The following TRDN variants were observed in gnomAD, a reference collection of about 807,000 sequenced individuals.
TRDN encodes the protein triadin.
Under a neutral mutation model 149.7 loss-of-function variants are expected in TRDN, and 161 were observed. The observed-to-expected ratio is 1.08, with a 90% CI of 0.95 to 1.23. The LOEUF is 1.23. Ranked by LOEUF, TRDN falls within the 50% of genes most tolerant of loss-of-function variation. The probability of loss-of-function intolerance (pLI) is 0.00; values close to 1 mark genes in which losing one functional copy is unlikely to be tolerated. For synonymous variants in TRDN, 294 were observed against 250.5 expected (o/e 1.17, Z -1.64); for missense variants, 896 against 823.5 (o/e 1.09, Z -1.08).
chr6:123,443,114 G>T (rs1347665134), intron 10 of TRDN, among the ~76,000 whole-genome samples: 2 of 151,852 alleles, frequency 1.3e-5, no homozygotes, highest in African/African-American at 4.8e-5. Flanking sequence ...AAAAAGAGTT[G>T]CAAATATCGA....
chr6:123,438,944 C>T lies in TRDN; in HGVS notation c.991G>A (p.Glu331Lys), dbSNP rs763851599. The part of the protein sequence containing the change: ...KKVTSETKKK[E>K]KEDIKKKSEK... ...GGTACATGGCTTTTAAATTTCCTACCTTTCTTTTTTGTTTCAGAAGTAACT... is the reference window on the plus strand; with the variant it reads ...GGTACATGGCTTTTAAATTTCCTACTTTTCTTTTTTGTTTCAGAAGTAACT... Residue 331 changes from glutamate (E) to lysine (K), a missense_variant and splice_region_variant, in exon 11 of 41, where the codon GAA becomes AAA. Transcript: ENST00000334268. The T allele has an allele frequency of 6.4e-6, 10 of 1,557,834 alleles. No homozygotes were observed. The African/African-American group carries it at 1.2e-4, about 19-fold the overall frequency.
chr6:123,463,911 C>A (rs4243493), intron 10 of TRDN, among the ~76,000 whole-genome samples: 2 of 151,220 alleles, frequency 1.3e-5, no homozygotes, highest in Non-Finnish European at 2.9e-5. Flanking sequence ...CCAAAGCCAA[C>A]GGGCAGTTGT....
intron 38 of TRDN, among the ~76,000 whole-genome samples, chr6:123,244,092 C>G (rs1471443699): frequency 6.6e-6 from 1 of 152,124 alleles, no homozygotes; most frequent in Non-Finnish European, 1.5e-5. Flanking sequence ...ATCCAAAGGT[C>G]ACCAACAACA....
intron 28 of TRDN, 53 bp downstream of exon 28, chr6:123,273,284 T>G: frequency 2.8e-6 from 3 of 1,061,802 alleles, no homozygotes; most frequent in Non-Finnish European, 3.9e-6. Context: ...TGAAAACGTT[T>G]CAATATTTTT....
chr6:123,464,339 T>C, intron 10 of TRDN: 2 of 978,370 alleles, frequency 2.0e-6, no homozygotes, highest in Non-Finnish European at 2.4e-6. Flanking sequence ...CAGTTGTATA[T>C]AGTACTTATA....
At chr6:123,497,849 T>C (rs1212347931) in intron 8 of TRDN, among the ~76,000 whole-genome samples, 2 of 152,210 alleles carry the variant, frequency 1.3e-5, no homozygotes, top group Admixed American at 6.5e-5. Flanking sequence ...GTTAAACTAA[T>C]CAAATGAGTA....
chr6:123,534,506 T>C (rs936999381), intron 4 of TRDN, among the ~76,000 whole-genome samples: 1 of 152,134 alleles, frequency 6.6e-6, no homozygotes, highest in Non-Finnish European at 1.5e-5. Flanking sequence ...CAGGAAATGA[T>C]GCTATTCAAG....
intron 40 of TRDN, 53 bp from the exon 41 acceptor site, chr6:123,218,793 A>C (rs537221493): frequency 6.5e-7 from 1 of 1,533,312 alleles, no homozygotes; most frequent in Admixed American, 2.0e-5. Flanking sequence ...TGAGCAAAAA[A>C]GCACAGTGAG....
intron 2 of TRDN, among the ~76,000 whole-genome samples, chr6:123,567,494 T>C (rs1782352216): frequency 6.6e-6 from 1 of 152,120 alleles, no homozygotes; most frequent in Admixed American, 6.5e-5. Flanking sequence ...ACTTCTGCAG[T>C]CTGTACAGAA....
intron 1 of TRDN, among the ~76,000 whole-genome samples, chr6:123,581,863 A>G (rs1407335839): frequency 6.6e-6 from 1 of 152,220 alleles, no homozygotes; most frequent in African/African-American, 2.4e-5. Flanking sequence ...AGATGTTATT[A>G]AACCTTTTAA....
At chr6:123,246,667 A>G (rs1477751809) in intron 38 of TRDN, among the ~76,000 whole-genome samples, 1 of 152,130 alleles carries the variant, frequency 6.6e-6, no homozygotes, top group Non-Finnish European at 1.5e-5. Context: ...TACAAAGAGG[A>G]GTTAGTACCA....
At chr6:123,560,144 C>A (rs78179736) in intron 2 of TRDN, among the ~76,000 whole-genome samples, 2,135 of 152,292 alleles carry the variant, frequency 0.014, 48 homozygotes, top group African/African-American at 0.049. Context: ...TGCTTAAATA[C>A]TTTTAGAGAC....
chr6:123,562,208 C>T (rs202052077), intron 2 of TRDN, among the ~76,000 whole-genome samples: 6 of 152,138 alleles, frequency 3.9e-5, no homozygotes, highest in Non-Finnish European at 7.3e-5. Context: ...TTTACCTACC[C>T]GAATCTTATA....
intron 12 of TRDN, among the ~76,000 whole-genome samples, chr6:123,416,995 G>T (rs1219034573): frequency 6.6e-6 from 1 of 152,086 alleles, no homozygotes; most frequent in African/African-American, 2.4e-5. Flanking sequence ...GAGCCACCAC[G>T]CCCAGCCACC....
Position 123,393,637 on chromosome 6 carries a change from T to C in TRDN, c.1092A>G (p.Lys364=). The C allele has an allele frequency of 6.2e-7, 1 of 1,605,946 alleles. No homozygotes were observed. The highest frequency in any genetic ancestry group is 8.5e-7 in the Non-Finnish European group (1 of 1,175,448). Residue 364 remains lysine, a synonymous_variant, in exon 13 of 41, where the codon AAA becomes AAG. Coordinates refer to ENST00000334268, the MANE Select transcript of TRDN (RefSeq NM_006073.4). ...TTTATTGCTTACCTTGTGCTGCAAT[T>C]TTTACAGTCCCTTGTTTGGTTTCAG... ...KASETKQGTV[K]IAAQAAAKKD...
chr6:123,461,026 G>A (rs1462795308), intron 10 of TRDN, among the ~76,000 whole-genome samples: 1 of 152,052 alleles, frequency 6.6e-6, no homozygotes, highest in East Asian at 1.9e-4. Flanking sequence ...CATATCTACA[G>A]TTGCTATTTA....
intron 7 of TRDN, among the ~76,000 whole-genome samples, chr6:123,507,954 A>C (rs866762556): frequency 2.6e-4 from 39 of 150,636 alleles, no homozygotes; most frequent in African/African-American, 8.3e-4. Context: ...AGAACTGCAA[A>C]CTGCTTAACT....
At chr6:123,383,578 A>C (rs1256803967) in intron 14 of TRDN, among the ~76,000 whole-genome samples, 9 of 152,146 alleles carry the variant, frequency 5.9e-5, no homozygotes, top group Admixed American at 3.9e-4. Context: ...ATATTCATAC[A>C]ATAGAAAAAT....
chr6:123,578,998 T>TAAAA (rs1481793979), intron 1 of TRDN, among the ~76,000 whole-genome samples: 4 of 152,150 alleles, frequency 2.6e-5, no homozygotes, highest in Non-Finnish European at 5.9e-5. Flanking sequence ...GTACATTACT[T>TAAAA]TGTATTCTGA....
Sources: gnomAD v4.1 joint callset for allele counts (sites outside exome capture counted in the v4.1 genomes callset) on GRCh38, gnomAD v4.1.1 for gene constraint, MANE v1.5 for transcripts, NCBI Gene and HGNC (gene_info 2026-07-23, HGNC 2026-07-21) for gene names.